GPC6: variants seen among roughly 807,000 people sequenced by gnomAD.
GPC6 encodes the protein glypican 6.
GPC6 carries 14 observed loss-of-function variants against 55.2 expected under a neutral mutation model. The observed-to-expected ratio is 0.25, with a 90% CI of 0.17 to 0.40. GPC6 has a LOEUF of 0.40. GPC6 is among the 10% of genes least tolerant of loss of function. The pLI, the probability that GPC6 is intolerant of heterozygous loss-of-function variation, is 1.00. For missense variants in GPC6, 641 were observed against 708.5 expected, an observed-to-expected ratio of 0.90 and a Z score of 1.08; for synonymous variants, 278 against 259.6, an observed-to-expected ratio of 1.07 and a Z score of -0.68.
chr13:94,032,776 T>C (rs549996020), intron 4 of GPC6, among the ~76,000 whole-genome samples: 2 of 152,314 alleles, frequency 1.3e-5, no homozygotes, highest in East Asian at 3.9e-4. Context: ...ATATCAAACT[T>C]TCTGGGCTTC....
intron 4 of GPC6, among the ~76,000 whole-genome samples, chr13:94,053,528 A>C (rs1415730884): frequency 6.6e-6 from 1 of 152,158 alleles, no homozygotes; most frequent in Non-Finnish European, 1.5e-5. Flanking sequence ...AAGAAATAGA[A>C]GCTGCAGTGA....
At chr13:94,385,688 G>A (rs1880371425) in intron 7 of GPC6, among the ~76,000 whole-genome samples, 1 of 151,578 alleles carries the variant, frequency 6.6e-6, no homozygotes, top group Non-Finnish European at 1.5e-5. Flanking sequence ...TTATATACTA[G>A]CATAGTAAAT....
chr13:93,326,312 T>C (rs1211674918), intron 1 of GPC6, among the ~76,000 whole-genome samples: 1 of 152,190 alleles, frequency 6.6e-6, no homozygotes, highest in Non-Finnish European at 1.5e-5. Context: ...GCAATAGGTC[T>C]GGGTGGGGCT....
chr13:93,517,148 G>C (rs954778101), intron 1 of GPC6, among the ~76,000 whole-genome samples: 2 of 152,058 alleles, frequency 1.3e-5, no homozygotes, highest in Non-Finnish European at 2.9e-5. Context: ...GGTTTAATAA[G>C]GCAACAAGAA....
intron 2 of GPC6, among the ~76,000 whole-genome samples, chr13:93,636,537 G>A (rs866877204): frequency 1.6e-4 from 25 of 152,156 alleles, no homozygotes; most frequent in Admixed American, 1.0e-3. Context: ...CATTGGACTT[G>A]TTTTGACCAA....
chr13:94,121,982 G>GA (rs1234648316), intron 4 of GPC6, among the ~76,000 whole-genome samples: 3 of 151,968 alleles, frequency 2.0e-5, no homozygotes, highest in Admixed American at 1.3e-4. Flanking sequence ...ATTTCATTTG[G>GA]AAAAAAGAGT....
chr13:93,794,421 A>T (rs1886138117), intron 2 of GPC6, among the ~76,000 whole-genome samples: 1 of 152,208 alleles, frequency 6.6e-6, no homozygotes, highest in Non-Finnish European at 1.5e-5. Flanking sequence ...GATTCTGACC[A>T]AGTTTGAGAA....
At chr13:93,983,347 G>A (rs755150060) in intron 3 of GPC6, among the ~76,000 whole-genome samples, 2 of 152,106 alleles carry the variant, frequency 1.3e-5, no homozygotes, top group Non-Finnish European at 1.5e-5. Flanking sequence ...GATGCTGAGG[G>A]TTGATAACTG....
intron 3 of GPC6, among the ~76,000 whole-genome samples, chr13:93,943,620 C>CA (rs140736257): frequency 0.022 from 3,323 of 149,670 alleles, 61 homozygotes; most frequent in East Asian, 0.085. Flanking sequence ...CAGTCTCTTT[C>CA]AAAAAAAAAA....
intron 4 of GPC6, among the ~76,000 whole-genome samples, chr13:94,059,773 G>A (rs2138765959): frequency 6.6e-6 from 1 of 151,784 alleles, no homozygotes; most frequent in South Asian, 2.1e-4. Context: ...GTTCTCTGTG[G>A]CCTCTTTCAT....
intron 1 of GPC6, among the ~76,000 whole-genome samples, chr13:93,402,776 A>C (rs145285495): frequency 2.0e-5 from 3 of 152,242 alleles, no homozygotes; most frequent in African/African-American, 7.2e-5. Flanking sequence ...CACATAATAC[A>C]TGCTCTACGA....
chr13:93,552,236 C>T (rs1468549356), intron 2 of GPC6, among the ~76,000 whole-genome samples: 1 of 152,176 alleles, frequency 6.6e-6, no homozygotes. Flanking sequence ...GCCAATTTCC[C>T]AAAGGGCAGA....
intron 1 of GPC6, among the ~76,000 whole-genome samples, chr13:93,325,004 A>G (rs1879605600): frequency 6.6e-6 from 1 of 152,116 alleles, no homozygotes; most frequent in Non-Finnish European, 1.5e-5. Flanking sequence ...GGAAAAAACG[A>G]AAAAAGGAAT....
At chr13:93,375,452 G>T (rs1874844270) in intron 1 of GPC6, among the ~76,000 whole-genome samples, 1 of 152,138 alleles carries the variant, frequency 6.6e-6, no homozygotes, top group Admixed American at 6.5e-5. Flanking sequence ...GTACCTGGCT[G>T]TCTAAGTGGG....
At chr13:93,292,194 A>G (rs1878340476) in intron 1 of GPC6, among the ~76,000 whole-genome samples, 1 of 152,154 alleles carries the variant, frequency 6.6e-6, no homozygotes, top group African/African-American at 2.4e-5. Flanking sequence ...GTGTTTGTTT[A>G]TTTTATGAAG....
chr13:93,562,733 G>A, intron 2 of GPC6, among the ~76,000 whole-genome samples: 1 of 152,002 alleles, frequency 6.6e-6, no homozygotes, highest in Non-Finnish European at 1.5e-5. Context: ...TCAAATTCTT[G>A]TAGATAATAT....
At chr13:93,447,553 T>C (rs1878054146) in intron 1 of GPC6, among the ~76,000 whole-genome samples, 1 of 152,192 alleles carries the variant, frequency 6.6e-6, no homozygotes, top group South Asian at 2.1e-4. Context: ...TTACTTTTGA[T>C]CAAGACATTC....
intron 3 of GPC6, among the ~76,000 whole-genome samples, chr13:93,847,952 A>G (rs1363292208): frequency 1.3e-5 from 2 of 152,138 alleles, no homozygotes; most frequent in African/African-American, 4.8e-5. Context: ...AAATTAATTT[A>G]GAATATGTAC....
chr13:94,389,295 G>A (rs1880542663), intron 7 of GPC6, among the ~76,000 whole-genome samples: 1 of 152,156 alleles, frequency 6.6e-6, no homozygotes, highest in Non-Finnish European at 1.5e-5. Context: ...GACATTTGCA[G>A]TCATCAGTCA....
Sources: gnomAD v4.1 joint callset for allele counts (sites outside exome capture counted in the v4.1 genomes callset) on GRCh38, gnomAD v4.1.1 for gene constraint, MANE v1.5 for transcripts, NCBI Gene and HGNC (gene_info 2026-07-23, HGNC 2026-07-21) for gene names.